The following FLNB variants were observed in gnomAD, a reference collection of about 807,000 sequenced individuals.
FLNB encodes the protein filamin-B.
In FLNB, 111 loss-of-function variants were observed where a neutral mutation model predicts 250.6. The observed-to-expected ratio is 0.44, with a 90% confidence interval of 0.38 to 0.52. FLNB has a LOEUF of 0.52. Among genes scored for constraint, FLNB ranks in the 20% least tolerant of loss-of-function variants. The pLI is 0.00. For synonymous variants in FLNB, 1,302 were observed against 1,372.1 expected (o/e 0.95, Z 1.13); for missense variants, 2,869 against 3,447.8 (o/e 0.83, Z 4.20).
chr3:58,030,630 T>A (rs1410549161), intron 1 of FLNB, among the ~76,000 whole-genome samples: 1 of 152,092 alleles, frequency 6.6e-6, no homozygotes, highest in Non-Finnish European at 1.5e-5. Flanking sequence ...TCCCAGCACT[T>A]CATAATGCCA....
chr3:58,077,297 AAGTGGCC>A lies in FLNB; in HGVS notation c.541+6_541+12del, dbSNP rs2097203007. ...CCTGGTAGACAGCTGTGCTCCAGGT[AAGTGGCC>A]AGGGCTGCCTAAACCATCTGTCCAG... On this transcript the variant is annotated splice_donor_5th_base_variant and intron_variant, in intron 2 of 45. Coordinates refer to ENST00000295956, the MANE Select transcript of FLNB (RefSeq NM_001457.4). 5 of 1,613,872 alleles carry A rather than the reference AAGTGGCC, an allele frequency of 3.1e-6. No individual in the cohort carries two copies. In the South Asian group the frequency reaches 5.5e-5, roughly 18 times the overall value.
chr3:58,039,067 AC>A (rs2097142402), intron 1 of FLNB, among the ~76,000 whole-genome samples: 1 of 146,924 alleles, frequency 6.8e-6, no homozygotes, highest in African/African-American at 2.5e-5. Flanking sequence ...TCGCTCTGTC[AC>A]CCCGGCTGGA....
chr3:58,081,786 G>GGTCCTCTGGTGTTGTATTGGAGACAT lies in FLNB; in HGVS notation c.787+25_787+50dup. On this transcript the variant is annotated intron_variant, in intron 4 of 45. Coordinates refer to ENST00000295956, the MANE Select transcript of FLNB (RefSeq NM_001457.4). ...AGGGCCTATGGCAGAGGTGAGTGCT[G>GGTCCTCTGGTGTTGTATTGGAGACAT]GTCCTCTGGTGTTGTATTGGAGACA... The GGTCCTCTGGTGTTGTATTGGAGACAT allele has an allele frequency of 6.2e-7, 1 of 1,614,026 alleles. No homozygotes were observed. The highest frequency in any genetic ancestry group is 8.5e-7 in the Non-Finnish European group (1 of 1,179,958).
chr3:58,079,475 A>G (rs1576680110), intron 3 of FLNB, among the ~76,000 whole-genome samples: 1 of 151,750 alleles, frequency 6.6e-6, no homozygotes, highest in South Asian at 2.1e-4. Flanking sequence ...CTAGTCTCGA[A>G]CTCCTGACCT....
At position 58,094,938 on chromosome 3, in the gene FLNB, AAGGG is replaced by A; in HGVS notation, c.892_895del (p.Gly298ThrfsTer7). On this transcript the variant is annotated frameshift_variant, in exon 5 of 46. Coordinates refer to ENST00000295956, the MANE Select transcript of FLNB (RefSeq NM_001457.4). LOFTEE classifies it high-confidence loss of function. ...GTGATGGTGTTTGTTGAGGACCCAG[AAGGG>A]AACAAAGAGGAGGTATGTTGGAGGA... is the stretch of plus-strand genomic sequence containing the variant. The A allele has an allele frequency of 6.2e-7, 1 of 1,613,768 alleles. No homozygotes were observed. The highest frequency in any genetic ancestry group is 8.5e-7 in the Non-Finnish European group (1 of 1,179,642).
chr3:58,049,882 G>T (rs975644044), intron 1 of FLNB, among the ~76,000 whole-genome samples: 1 of 152,160 alleles, frequency 6.6e-6, no homozygotes, highest in Non-Finnish European at 1.5e-5. Flanking sequence ...TAATCTGTGG[G>T]CATCTACCCC....
intron 1 of FLNB, among the ~76,000 whole-genome samples, chr3:58,063,780 G>GATT (rs2097181674): frequency 6.6e-6 from 1 of 152,112 alleles, no homozygotes; most frequent in African/African-American, 2.4e-5. Flanking sequence ...AATGGAAGCT[G>GATT]ATTTCTCCCC....
At chr3:58,137,063 G>C (rs2107229009) in intron 28 of FLNB, among the ~76,000 whole-genome samples, 1 of 152,264 alleles carries the variant, frequency 6.6e-6, no homozygotes, top group Middle Eastern at 3.4e-3. Context: ...GCTCAGTGCT[G>C]CTGCTCAAGC....
At chr3:58,102,990 T>C (rs1475638758) in intron 9 of FLNB, among the ~76,000 whole-genome samples, 1 of 152,186 alleles carries the variant, frequency 6.6e-6, no homozygotes, top group Non-Finnish European at 1.5e-5. Flanking sequence ...ATTTCAGCAC[T>C]TCTAGTCTCG....
chr3:58,096,272 A>G (rs989012778), intron 6 of FLNB, 54 bp downstream of exon 6: 1 of 1,225,954 alleles, frequency 8.2e-7, no homozygotes, highest in Non-Finnish European at 1.2e-6. Flanking sequence ...TAGGAGAAGA[A>G]AGATAGCCCA....
At chr3:58,140,712 G>A (rs917068681) in intron 29 of FLNB, among the ~76,000 whole-genome samples, 1 of 152,042 alleles carries the variant, frequency 6.6e-6, no homozygotes, top group African/African-American at 2.4e-5. Context: ...GGGTTTAAGC[G>A]ATTCTCCTGC....
chr3:58,109,237 C>A lies in FLNB; in HGVS notation c.2114C>A (p.Ala705Glu), dbSNP rs1203424838. 4 of 1,614,124 alleles carry A rather than the reference C, an allele frequency of 2.5e-6. No homozygotes were observed. The African/African-American group carries it at 5.3e-5, about 22-fold the overall frequency. The change falls in exon 14 of 46, where the codon GCA becomes GAA. Residue 705 changes from alanine to glutamate, a missense_variant. Physicochemically the swap from Ala to Glu is moderately radical, Grantham distance 107 (BLOSUM62 -1). This residue lies in a region of FLNB where 1,348 missense variants were observed against 1,466.7 expected (regional missense o/e 0.92). Coordinates refer to ENST00000295956, the MANE Select transcript of FLNB (RefSeq NM_001457.4). ...QMKNRMDGTY[A>E]CSYTPVKAIK... Reference sequence around the variant, plus strand: ...AAGAACCGGATGGACGGCACATATGCATGCTCATACACCCCGGTGAAGGCC... The same window carrying A: ...AAGAACCGGATGGACGGCACATATGAATGCTCATACACCCCGGTGAAGGCC...
chr3:58,129,146 AT>A (rs1483920385), intron 24 of FLNB, among the ~76,000 whole-genome samples: 1 of 152,102 alleles, frequency 6.6e-6, no homozygotes, highest in African/African-American at 2.4e-5. Flanking sequence ...GAGTGGAGTT[AT>A]TTTTAACAAC....
chr3:58,106,352 C>CTATATATATATATATATATATATATATA lies in FLNB; in HGVS notation c.1748-303_1748-302insATATATATATATATATATATATATATAT, dbSNP rs10540627. Among the ~76,000 whole-genome samples the CTATATATATATATATATATATATATATA allele has an allele frequency of 2.0e-4, 27 of 132,960 alleles. 1 individual carries two copies. Among genetic ancestry groups the CTATATATATATATATATATATATATATA allele is most frequent in the Non-Finnish European group, 2.8e-4 (17 of 61,268 alleles). 87.2% of individuals were successfully genotyped at this position (132,960 alleles called of 152,430 possible). ...TAAAATACATATAATGTATTTAATA[C>CTATATATATATATATATATATATATATA]TATATATATATATATATATATATAT... On this transcript the variant is annotated intron_variant, in intron 11 of 45. Coordinates refer to ENST00000295956, the MANE Select transcript of FLNB (RefSeq NM_001457.4).
At chr3:58,099,010 A>G in intron 8 of FLNB, 102 bp downstream of exon 8, 2 of 973,756 alleles carry the variant, frequency 2.1e-6, no homozygotes, top group Non-Finnish European at 3.3e-6. Context: ...CATTGACCTT[A>G]TGCCTATCCC....
At chr3:58,117,778 T>C (rs1489143854) in intron 18 of FLNB, among the ~76,000 whole-genome samples, 2 of 151,364 alleles carry the variant, frequency 1.3e-5, no homozygotes, top group East Asian at 3.9e-4. Flanking sequence ...CCTCTCTTCA[T>C]TGATGCAACC....
At chr3:58,131,420 C>G (rs2097307189) in intron 25 of FLNB, among the ~76,000 whole-genome samples, 1 of 152,142 alleles carries the variant, frequency 6.6e-6, no homozygotes, top group South Asian at 2.1e-4. Context: ...TTTGGCCTGC[C>G]TTGTTGGCAG....
chr3:58,048,845 A>G (rs1039462232), intron 1 of FLNB, among the ~76,000 whole-genome samples: 2 of 152,240 alleles, frequency 1.3e-5, no homozygotes, highest in African/African-American at 2.4e-5. Flanking sequence ...TTTTATTTTT[A>G]AAATGTAACT....
chr3:58,025,068 G>T (rs1452200403), intron 1 of FLNB, among the ~76,000 whole-genome samples: 8 of 107,022 alleles, frequency 7.5e-5, no homozygotes, highest in South Asian at 3.0e-4. Flanking sequence ...CCTTTCTTTT[G>T]TCTCCTGTAA....
Sources: allele counts gnomAD v4.1 joint callset (sites outside exome capture counted in the v4.1 genomes callset), GRCh38; gene constraint gnomAD v4.1.1; regional missense constraint gnomAD v4.1.1; transcripts MANE v1.5; gene names NCBI Gene and HGNC (gene_info 2026-07-23, HGNC 2026-07-21).